Variants in CDKL1 observed in about 807,000 individuals in gnomAD.
The protein encoded by CDKL1 is cyclin dependent kinase like 1, also known as cyclin-dependent kinase-like 1.
In CDKL1, 41 loss-of-function variants were observed where a neutral mutation model predicts 42.0. That is an observed-to-expected ratio of 0.98 (90% confidence interval 0.76 to 1.27). The LOEUF is 1.27. Among genes scored for constraint, CDKL1 ranks in the 50% most tolerant of loss-of-function variants. The pLI, the probability that CDKL1 is intolerant of heterozygous loss-of-function variation, is 0.00. For synonymous variants in CDKL1, 153 were observed against 158.6 expected, an observed-to-expected ratio of 0.96 and a Z score of 0.26; for missense variants, 394 against 428.4, an observed-to-expected ratio of 0.92 and a Z score of 0.71.
At chr14:50,370,813 C>T (rs918581446) in intron 2 of CDKL1, among the ~76,000 whole-genome samples, 6 of 152,104 alleles carry the variant, frequency 3.9e-5, no homozygotes, top group South Asian at 2.1e-4. Context: ...CCAGATCTCA[C>T]GAGAACTCAC....
Position 50,329,155 on chromosome 14 carries a change from A to C in CDKL1, c.*919T>G, listed in dbSNP as rs1245432462. 6.6e-6 allele frequency: 1 copy of C among 151,964 alleles called. No homozygotes were observed. Among genetic ancestry groups the C allele is most frequent in the Non-Finnish European group, 1.5e-5 (1 of 67,982 alleles). The allele number at this position is 151,964 out of a possible 1,614,324, so 9.4% of individuals were successfully genotyped here. On this transcript the variant is annotated 3_prime_UTR_variant, in exon 10 of 10. Transcript: ENST00000395834. ...CATAATGTCTTTCATGACTCAAGTAAAAGCTCACAAGTAATTTCTTCTGAA... is the reference window on the plus strand; with the variant it reads ...CATAATGTCTTTCATGACTCAAGTACAAGCTCACAAGTAATTTCTTCTGAA...
rs781020730 is a variant in CDKL1 at position 50,332,075 on chromosome 14, T to C, written c.966+187A>G. On this transcript the variant is annotated intron_variant, in intron 9 of 9. Coordinates refer to ENST00000395834, the MANE Select transcript of CDKL1 (RefSeq NM_004196.7). Reference sequence around the variant, plus strand: ...CAGGAAGCAGCAGGACAAGGGCACCTTTAGGATTCAGGGAGAGGGGGCTTC... The same window carrying C: ...CAGGAAGCAGCAGGACAAGGGCACCCTTAGGATTCAGGGAGAGGGGGCTTC... The C allele has an allele frequency of 2.6e-6, 4 of 1,556,968 alleles. No individual in the cohort carries two copies. In the East Asian group the frequency reaches 7.2e-5, roughly 28 times the overall value.
Position 50,359,082 on chromosome 14 carries a change from A to G in CDKL1, c.236T>C (p.Val79Ala), listed in dbSNP as rs748751068. ...VFRRKRRLHL[V>A]FEYCDHTVLH... is the part of the protein sequence containing the mutation. Reference sequence around the variant, plus strand: ...AACTGTGTGGTCACAATATTCAAACACCAGGTGAAGCCTCCGTTTCCTCCT... The same window carrying G: ...AACTGTGTGGTCACAATATTCAAACGCCAGGTGAAGCCTCCGTTTCCTCCT... The change falls in exon 3 of 10, where the codon GTG becomes GCG. Residue 79 changes from valine (V) to alanine (A), a missense_variant. Physicochemically the swap from Val to Ala is moderately conservative, Grantham distance 64. Coordinates refer to ENST00000395834, the MANE Select transcript of CDKL1 (RefSeq NM_004196.7). 4.3e-6 allele frequency: 7 copies of G among 1,613,144 alleles called. No individual in the cohort carries two copies. Among genetic ancestry groups the G allele is most frequent in the Non-Finnish European group, 5.9e-6 (7 of 1,179,164 alleles).
At chr14:50,388,715 G>T (rs1168875902) in intron 2 of CDKL1, among the ~76,000 whole-genome samples, 2 of 152,130 alleles carry the variant, frequency 1.3e-5, no homozygotes, top group Non-Finnish European at 2.9e-5. Context: ...TGCCAAACAG[G>T]GACATAAATC....
chr14:50,373,734 A>G (rs79154182), intron 2 of CDKL1, among the ~76,000 whole-genome samples: 1 of 152,288 alleles, frequency 6.6e-6, no homozygotes, highest in East Asian at 1.9e-4. Flanking sequence ...ACCATTACAC[A>G]CCTATTAGAA....
At chr14:50,335,809 T>C (rs1333195239) in intron 7 of CDKL1, 10 of 985,380 alleles carry the variant, frequency 1.0e-5, no homozygotes, top group Non-Finnish European at 1.2e-5. Context: ...TACAGTATTA[T>C]TTTGGACAGG....
At position 50,358,636 on chromosome 14, in the gene CDKL1, C is replaced by CTTTTTTTTTTTTTT. The variant is rs71118873; in HGVS notation, c.290+378_290+391dup. On this transcript the variant is annotated intron_variant, in intron 3 of 9. Transcript: ENST00000395834. ...CAAACACTGGCTGTTTTTAACTAGT[C>CTTTTTTTTTTTTTT]TTTTTTTTTTTTTTTTTTTTTGAGA... is the stretch of plus-strand genomic sequence containing the variant. Among the ~76,000 whole-genome samples the CTTTTTTTTTTTTTT allele has an allele frequency of 7.9e-3, 535 of 67,640 alleles. 157 individuals are homozygous for CTTTTTTTTTTTTTT. Among genetic ancestry groups the CTTTTTTTTTTTTTT allele is most frequent in the Non-Finnish European group, 0.011 (392 of 36,156 alleles). The allele number at this position is 67,640 out of a possible 152,430, so 44.4% of individuals were successfully genotyped here.
intron 2 of CDKL1, among the ~76,000 whole-genome samples, chr14:50,366,117 C>T (rs955543890): frequency 1.3e-5 from 2 of 152,174 alleles, no homozygotes; most frequent in Non-Finnish European, 2.9e-5. Flanking sequence ...CCTATTGGTT[C>T]TGTCCCTCTA....
At chr14:50,363,242 T>A (rs1234853307) in intron 2 of CDKL1, 5 of 196,326 alleles carry the variant, frequency 2.5e-5, no homozygotes, top group Non-Finnish European at 5.4e-5. Context: ...GTGGCTTCAT[T>A]CTTGAAGTCA....
intron 4 of CDKL1, among the ~76,000 whole-genome samples, chr14:50,344,728 TC>T (rs2033672491): frequency 6.6e-6 from 1 of 152,144 alleles, no homozygotes; most frequent in African/African-American, 2.4e-5. Flanking sequence ...TACCTTGGCC[TC>T]CCAAAGTCCT....
rs747926991 is a variant in CDKL1 at position 50,332,603 on chromosome 14, C to T, written c.796-171G>A. ...TCCTTCCAGTCATTCCTAAATGGCA[C>T]TCACATATTAAATAAATAGTTTCTA... is the stretch of plus-strand genomic sequence containing the variant. On this transcript the variant is annotated intron_variant, in intron 8 of 9. Coordinates refer to ENST00000395834, the MANE Select transcript of CDKL1 (RefSeq NM_004196.7). 3 of 1,489,032 alleles carry T rather than the reference C, an allele frequency of 2.0e-6. No homozygotes were observed. The East Asian group carries it at 7.4e-5, about 37-fold the overall frequency. 92.2% of individuals were successfully genotyped at this position (1,489,032 alleles called of 1,614,324 possible). A position where few individuals can be genotyped will look rare whatever the true frequency, so the allele number is the denominator to read the frequency against.
chr14:50,346,652 GT>G lies in CDKL1; in HGVS notation c.291-1595del, dbSNP rs796264788. On this transcript the variant is annotated intron_variant, in intron 3 of 9. Transcript: ENST00000395834. ...GATTATTCAATAAATTAAATTTTTGGTTTTTTTTTTTTTTTTGAGATGGAGT... is the reference window on the plus strand; with the variant it reads ...GATTATTCAATAAATTAAATTTTTGGTTTTTTTTTTTTTTTGAGATGGAGT... 6.6e-3 allele frequency among the ~76,000 whole-genome samples: 943 copies of G among 142,026 alleles called. 9 individuals carry two copies. Among genetic ancestry groups the G allele is most frequent in the African/African-American group, 0.022 (854 of 38,694 alleles). The allele number at this position is 142,026 out of a possible 152,430, so 93.2% of individuals were successfully genotyped here.
chr14:50,396,637 G>A, intron 1 of CDKL1, 187 bp downstream of exon 1: 1 of 208,704 alleles, frequency 4.8e-6, no homozygotes, highest in Non-Finnish European at 8.4e-6. Flanking sequence ...GACACCTCCC[G>A]GCTCCCCGCG....
At chr14:50,393,634 C>A (rs1595385174) in intron 2 of CDKL1, among the ~76,000 whole-genome samples, 2 of 152,326 alleles carry the variant, frequency 1.3e-5, no homozygotes, top group Non-Finnish European at 2.9e-5. Context: ...AGGCACGCAC[C>A]ACCATGCCCA....
chr14:50,379,486 C>T (rs1174581700), intron 2 of CDKL1, among the ~76,000 whole-genome samples: 1 of 152,202 alleles, frequency 6.6e-6, no homozygotes, highest in Non-Finnish European at 1.5e-5. Context: ...CGGAACTAGG[C>T]TTTCTGGTTC....
chr14:50,396,037 T>G lies in CDKL1; in HGVS notation c.-169A>C. The G allele has an allele frequency of 9.9e-7, 1 of 1,011,502 alleles. No individual in the cohort carries two copies. 62.7% of individuals were successfully genotyped at this position (1,011,502 alleles called of 1,614,324 possible). A position where few individuals can be genotyped will look rare whatever the true frequency, so the allele number is the denominator to read the frequency against. ...CCGTCTCTACTAAAGATACAAAAAA[T>G]TAGCCGGGTGTGGTGATGGGCGCCC... On this transcript the variant is annotated 5_prime_UTR_variant, in exon 2 of 10. Coordinates refer to ENST00000395834, the MANE Select transcript of CDKL1 (RefSeq NM_004196.7).
chr14:50,361,815 G>A (rs372010169), intron 2 of CDKL1, among the ~76,000 whole-genome samples: 130 of 152,378 alleles, frequency 8.5e-4, no homozygotes, highest in African/African-American at 3.0e-3. Flanking sequence ...GTCCTCGCTC[G>A]CTCTCGGCGC....
chr14:50,382,433 A>G (rs2139520440), intron 2 of CDKL1, among the ~76,000 whole-genome samples: 1 of 152,320 alleles, frequency 6.6e-6, no homozygotes, highest in East Asian at 1.9e-4. Context: ...CCTGGGCGAC[A>G]GAGCAAGACT....
intron 2 of CDKL1, chr14:50,378,216 C>T (rs764047183): frequency 1.5e-6 from 2 of 1,366,438 alleles, no homozygotes; most frequent in East Asian, 4.5e-5. Flanking sequence ...GCAGGTGCCT[C>T]CTTAGGAGGG....
Sources: allele counts gnomAD v4.1 joint callset (sites outside exome capture counted in the v4.1 genomes callset), GRCh38; gene constraint gnomAD v4.1.1; transcripts MANE v1.5; gene names NCBI Gene and HGNC (gene_info 2026-07-23, HGNC 2026-07-21).